WWOX: variants seen among roughly 807,000 people sequenced by gnomAD.
WWOX encodes the protein WW domain-containing oxidoreductase.
A neutral mutation model predicts 46.2 loss-of-function variants in WWOX; 69 were observed. The ratio of observed to expected loss-of-function variants is 1.49; its 90% confidence interval spans 1.23 to 1.82. WWOX has a LOEUF of 1.82. Among genes scored for constraint, WWOX ranks in the 40% most tolerant of loss-of-function variants. The probability of loss-of-function intolerance (pLI) is 0.00; values close to 1 mark genes in which losing one functional copy is unlikely to be tolerated. For missense variants in WWOX, 919 were observed against 542.6 expected (o/e 1.69, Z -6.89); for synonymous variants, 359 against 202.6 (o/e 1.77, Z -6.56).
intron 8 of WWOX, among the ~76,000 whole-genome samples, chr16:78,804,865 G>T (rs1704987276): frequency 6.6e-6 from 1 of 152,208 alleles, no homozygotes; most frequent in South Asian, 2.1e-4. Context: ...ATGTAGCCAT[G>T]ACAGTATTAC....
chr16:78,143,528 A>T (rs182571596), intron 4 of WWOX, among the ~76,000 whole-genome samples: 414 of 152,290 alleles, frequency 2.7e-3, no homozygotes, highest in African/African-American at 9.6e-3. Context: ...CTGCTTTCAC[A>T]TCATAACAGC....
At chr16:78,643,303 G>A (rs1220271560) in intron 8 of WWOX, among the ~76,000 whole-genome samples, 1 of 152,098 alleles carries the variant, frequency 6.6e-6, no homozygotes, top group African/African-American at 2.4e-5. Flanking sequence ...TTTGGCTAAC[G>A]AAAACAACAA....
chr16:78,725,101 A>G (rs534660279), intron 8 of WWOX, among the ~76,000 whole-genome samples: 96 of 152,116 alleles, frequency 6.3e-4, no homozygotes, highest in Admixed American at 1.6e-3. Flanking sequence ...GTTCCCCCAT[A>G]CTGTTCTTGG....
intron 5 of WWOX, among the ~76,000 whole-genome samples, chr16:78,331,122 G>A (rs76654559): frequency 2.0e-5 from 3 of 151,928 alleles, no homozygotes; most frequent in Non-Finnish European, 2.9e-5. Context: ...TAACACCTAC[G>A]GTCCCTGAAT....
At chr16:78,957,555 G>A (rs1269384990) in intron 8 of WWOX, among the ~76,000 whole-genome samples, 2 of 152,106 alleles carry the variant, frequency 1.3e-5, no homozygotes, top group South Asian at 2.1e-4. Context: ...TTAATCTCGG[G>A]TCTTCTTTCT....
intron 8 of WWOX, among the ~76,000 whole-genome samples, chr16:79,070,980 C>T (rs1229484632): frequency 6.6e-6 from 1 of 152,204 alleles, no homozygotes; most frequent in African/African-American, 2.4e-5. Context: ...CCTACCCCCA[C>T]ATACTTTGGG....
At chr16:78,271,034 T>A (rs1285213407) in intron 5 of WWOX, among the ~76,000 whole-genome samples, 4 of 152,222 alleles carry the variant, frequency 2.6e-5, no homozygotes, top group South Asian at 2.1e-4. Flanking sequence ...TTTGGGGCGA[T>A]TCAATATCAA....
intron 8 of WWOX, among the ~76,000 whole-genome samples, chr16:78,641,658 G>A (rs1333974083): frequency 1.3e-5 from 2 of 152,168 alleles, no homozygotes; most frequent in Non-Finnish European, 2.9e-5. Context: ...GCAAGAGGTA[G>A]TTAAACGGCC....
chr16:79,195,985 G>A (rs385160), intron 8 of WWOX, among the ~76,000 whole-genome samples: 5 of 152,014 alleles, frequency 3.3e-5, no homozygotes, highest in African/African-American at 7.3e-5. Flanking sequence ...ATATTCTTCT[G>A]TTAGTGGGGA....
At chr16:79,210,556 T>C (rs1035323937) in intron 8 of WWOX, among the ~76,000 whole-genome samples, 1 of 152,174 alleles carries the variant, frequency 6.6e-6, no homozygotes, top group African/African-American at 2.4e-5. Context: ...TCCGGTCCTC[T>C]CTTGCAACCC....
At chr16:78,415,511 G>A (rs1350820589) in intron 6 of WWOX, among the ~76,000 whole-genome samples, 3 of 152,112 alleles carry the variant, frequency 2.0e-5, no homozygotes, top group African/African-American at 7.2e-5. Flanking sequence ...ATTTTACCCA[G>A]CCCCTATTCA....
At chr16:78,688,231 GATTT>G (rs1362091405) in intron 8 of WWOX, among the ~76,000 whole-genome samples, 2 of 151,914 alleles carry the variant, frequency 1.3e-5, no homozygotes, top group African/African-American at 4.8e-5. Context: ...GAAACGCAGT[GATTT>G]ATTTAAGTTG....
chr16:78,216,853 T>C (rs1424002591), intron 5 of WWOX, among the ~76,000 whole-genome samples: 1 of 152,160 alleles, frequency 6.6e-6, no homozygotes, highest in Non-Finnish European at 1.5e-5. Flanking sequence ...TGCCTCAGCC[T>C]CCTGAGTACC....
chr16:78,893,012 G>C (rs1421224332), intron 8 of WWOX, among the ~76,000 whole-genome samples: 1 of 152,162 alleles, frequency 6.6e-6, no homozygotes, highest in Non-Finnish European at 1.5e-5. Context: ...AGGAAGCCCA[G>C]CTTCTCTGGT....
chr16:78,188,968 G>T (rs1035060477), intron 5 of WWOX, among the ~76,000 whole-genome samples: 1 of 152,190 alleles, frequency 6.6e-6, no homozygotes, highest in African/African-American at 2.4e-5. Context: ...AATAGAGGCT[G>T]CAGAGGAGAA....
intron 8 of WWOX, among the ~76,000 whole-genome samples, chr16:78,848,527 A>G (rs1483747869): frequency 6.6e-6 from 1 of 152,182 alleles, no homozygotes; most frequent in East Asian, 1.9e-4. Context: ...ATGCTGGGGA[A>G]TGGAAAGTCC....
At chr16:78,891,915 T>G (rs958371347) in intron 8 of WWOX, 1 of 152,214 alleles carries the variant, frequency 6.6e-6, no homozygotes, top group African/African-American at 2.4e-5. Flanking sequence ...TTCCGGAGTT[T>G]GCTTCAGTTC....
At chr16:78,962,973 ATTC>A (rs2046299635) in intron 8 of WWOX, among the ~76,000 whole-genome samples, 2 of 152,232 alleles carry the variant, frequency 1.3e-5, no homozygotes, top group South Asian at 4.2e-4. Context: ...CTTTATTGTC[ATTC>A]TTCTTTCTCT....
At chr16:78,715,964 A>C (rs1177057588) in intron 8 of WWOX, among the ~76,000 whole-genome samples, 5 of 152,144 alleles carry the variant, frequency 3.3e-5, no homozygotes, top group Admixed American at 3.3e-4. Context: ...CTAAATGTCC[A>C]CCACCAGAGG....
Sources: gnomAD v4.1 joint callset for allele counts (sites outside exome capture counted in the v4.1 genomes callset) on GRCh38, gnomAD v4.1.1 for gene constraint, MANE v1.5 for transcripts, NCBI Gene and HGNC (gene_info 2026-07-23, HGNC 2026-07-21) for gene names.